Variants in CLEC2A observed in about 807,000 individuals in gnomAD.
CLEC2A encodes keratinocyte-associated C-type lectin.
Under a neutral mutation model 18.6 loss-of-function variants are expected in CLEC2A, and 19 were observed. That is an observed-to-expected ratio of 1.02 (90% CI 0.71 to 1.50). The LOEUF is 1.50. CLEC2A is among the 40% of genes most tolerant of loss of function. The probability of loss-of-function intolerance (pLI) is 0.00; values close to 1 mark genes in which losing one functional copy is unlikely to be tolerated. For synonymous variants in CLEC2A, 74 were observed against 64.0 expected (o/e 1.16, Z -0.75); for missense variants, 190 against 207.9 (o/e 0.91, Z 0.53).
In CLEC2A at chr12:9,913,281, C is replaced by A; in HGVS notation, c.*285G>T. Reference sequence around the variant, plus strand: ...AACTCATAAATTGAAAGCTAATCACCAGTGTGATGGTATTAGGGGATGGAG... The same window carrying A: ...AACTCATAAATTGAAAGCTAATCACAAGTGTGATGGTATTAGGGGATGGAG... On this transcript the variant is annotated 3_prime_UTR_variant, in exon 5 of 5. Transcript: ENST00000455827. 3.0e-6 allele frequency: 1 copy of A among 330,508 alleles called. No individual in the cohort carries two copies. Among genetic ancestry groups the A allele is most frequent in the Non-Finnish European group, 5.0e-6 (1 of 199,596 alleles). 20.5% of individuals were successfully genotyped at this position (330,508 alleles called of 1,614,324 possible).
the CLEC2A span, among the ~76,000 whole-genome samples, chr12:9,879,319 G>A: frequency 6.6e-6 from 1 of 152,182 alleles, no homozygotes; most frequent in Non-Finnish European, 1.5e-5. Context: ...TAGTTAGTAG[G>A]CAAAGCTCTT....
Position 9,913,500 on chromosome 12 carries a change from A to T in CLEC2A, c.*66T>A. ...CTGTAACAGAATAAGTGAGAAAGCCACTTTTGCATAATTAGCTCTTCTTTC... is the reference window on the plus strand; with the variant it reads ...CTGTAACAGAATAAGTGAGAAAGCCTCTTTTGCATAATTAGCTCTTCTTTC... On this transcript the variant is annotated 3_prime_UTR_variant, in exon 5 of 5. Coordinates refer to ENST00000455827, the MANE Select transcript of CLEC2A (RefSeq NM_001130711.2). 2.0e-6 allele frequency: 3 copies of T among 1,499,942 alleles called. No individual in the cohort carries two copies. In the South Asian group the frequency reaches 3.9e-5, roughly 20 times the overall value. 92.9% of individuals were successfully genotyped at this position (1,499,942 alleles called of 1,614,324 possible).
At chr12:9,879,342 A>T in the CLEC2A span, among the ~76,000 whole-genome samples, 1 of 152,104 alleles carries the variant, frequency 6.6e-6, no homozygotes, top group Admixed American at 6.6e-5. Flanking sequence ...CAGACCAGGA[A>T]CCACTCAACT....
At chr12:9,904,546 C>T (rs954175591) in intron 4 of CLEC2A, among the ~76,000 whole-genome samples, 5 of 152,102 alleles carry the variant, frequency 3.3e-5, no homozygotes, top group Non-Finnish European at 5.9e-5. Flanking sequence ...GGGAGGAGAG[C>T]GCTGAGCCTG....
At chr12:9,915,867 A>T (rs892042435) in intron 4 of CLEC2A, among the ~76,000 whole-genome samples, 1 of 152,240 alleles carries the variant, frequency 6.6e-6, no homozygotes, top group Non-Finnish European at 1.5e-5. Flanking sequence ...TTACAGTAAA[A>T]TAAAAATATA....
chr12:9,930,024 G>A (rs1485142090), intron 1 of CLEC2A, among the ~76,000 whole-genome samples: 1 of 152,028 alleles, frequency 6.6e-6, no homozygotes, highest in Non-Finnish European at 1.5e-5. Flanking sequence ...GTCACAAACT[G>A]GGCGGCTAAA....
chr12:9,926,334 A>T lies in CLEC2A; in HGVS notation c.65T>A (p.Leu22Ter). The T allele has an allele frequency of 6.5e-7, 1 of 1,544,918 alleles. No individual in the cohort carries two copies. The highest frequency in any genetic ancestry group is 8.8e-7 in the Non-Finnish European group (1 of 1,141,226). ...DGFIHRIVPK[L>*]IQNWKIGLMC... ...AAGGCCAATCTTCCAGTTTTGTATC[A>T]ACTTGGGAACTGCAAATTAAATCAA... Residue 22 changes from leucine (L) to a stop codon, truncating the protein, a stop_gained, in exon 2 of 5, where the codon TTG (leucine) becomes TAG (stop). Transcript: ENST00000455827. LOFTEE classifies it high-confidence loss of function.
At chr12:9,918,342 T>G (rs1863106912) in intron 3 of CLEC2A, among the ~76,000 whole-genome samples, 1 of 152,246 alleles carries the variant, frequency 6.6e-6, no homozygotes. Flanking sequence ...CCAGCACAAT[T>G]GATTAAATAT....
At chr12:9,915,386 T>C (rs894597097) in intron 4 of CLEC2A, among the ~76,000 whole-genome samples, 1 of 151,996 alleles carries the variant, frequency 6.6e-6, no homozygotes, top group Non-Finnish European at 1.5e-5. Flanking sequence ...AATTCTATTA[T>C]AAAGACATAT....
intron 4 of CLEC2A, among the ~76,000 whole-genome samples, chr12:9,906,080 T>C (rs897665852): frequency 6.6e-6 from 1 of 151,396 alleles, no homozygotes; most frequent in South Asian, 2.1e-4. Context: ...GGCTAGGGTA[T>C]AAATTCCTAT....
At chr12:9,904,765 G>A (rs112120899) in intron 4 of CLEC2A, among the ~76,000 whole-genome samples, 35 of 152,142 alleles carry the variant, frequency 2.3e-4, no homozygotes, top group Non-Finnish European at 4.3e-4. Context: ...GCAATAAGGG[G>A]TTACACTGCA....
the CLEC2A span, chr12:9,888,619 ACT>A: frequency 1.7e-6 from 1 of 591,580 alleles, no homozygotes; most frequent in African/African-American, 1.8e-5. Flanking sequence ...GAGAAGAGAA[ACT>A]CACAATTTTT....
At chr12:9,926,164 C>T in intron 2 of CLEC2A, 96 bp downstream of exon 2, 1 of 694,726 alleles carries the variant, frequency 1.4e-6, no homozygotes, top group Non-Finnish European at 2.4e-6. Flanking sequence ...ACCCTTTAAT[C>T]ACTCTAGATG....
the CLEC2A span, among the ~76,000 whole-genome samples, chr12:9,887,128 G>GA: frequency 1.3e-3 from 190 of 151,948 alleles, 2 homozygotes; most frequent in African/African-American, 3.6e-3. Flanking sequence ...GAAAATAGGT[G>GA]AAAAAAAGTA....
chr12:9,893,048 G>C, the CLEC2A span: 13 of 1,535,500 alleles, frequency 8.5e-6, no homozygotes, highest in Non-Finnish European at 1.0e-5. Context: ...CAAATGACTG[G>C]CTGTTGAACG....
chr12:9,893,107 G>T, the CLEC2A span: 1 of 1,535,700 alleles, frequency 6.5e-7, no homozygotes, highest in Non-Finnish European at 8.7e-7. Context: ...TGGAAAGAGA[G>T]TCAACGTGAT....
the CLEC2A span, among the ~76,000 whole-genome samples, chr12:9,887,000 G>A: frequency 1.3e-5 from 2 of 151,848 alleles, no homozygotes; most frequent in Non-Finnish European, 1.5e-5. Flanking sequence ...CCGGAGCACA[G>A]AGCAAAATGT....
chr12:9,926,172 A>C, intron 2 of CLEC2A, 88 bp downstream of exon 2: 2 of 778,512 alleles, frequency 2.6e-6, no homozygotes, highest in Non-Finnish European at 4.2e-6. Flanking sequence ...ATCACTCTAG[A>C]TGTGGGAGAT....
the CLEC2A span, among the ~76,000 whole-genome samples, chr12:9,892,546 CAGG>C: frequency 6.7e-6 from 1 of 150,156 alleles, no homozygotes; most frequent in African/African-American, 2.4e-5. Flanking sequence ...TGGAAATACA[CAGG>C]TTAGTAAATT....
Sources: allele counts gnomAD v4.1 joint callset (sites outside exome capture counted in the v4.1 genomes callset), GRCh38; gene constraint gnomAD v4.1.1; transcripts MANE v1.5; gene names NCBI Gene and HGNC (gene_info 2026-07-23, HGNC 2026-07-21).